The following ZSCAN25 variants were observed in gnomAD, a reference collection of about 807,000 sequenced individuals.
ZSCAN25 encodes zinc finger and SCAN domain containing 25.
Under a neutral mutation model 38.7 loss-of-function variants are expected in ZSCAN25, and 27 were observed. That is an observed-to-expected ratio of 0.70 (90% CI 0.51 to 0.96). The LOEUF is 0.96. Among genes scored for constraint, ZSCAN25 ranks in the 40% least tolerant of loss-of-function variants. The probability of loss-of-function intolerance (pLI) is 0.00; values close to 1 mark genes in which losing one functional copy is unlikely to be tolerated. For synonymous variants in ZSCAN25, 273 were observed against 277.7 expected, an observed-to-expected ratio of 0.98 and a Z score of 0.17; for missense variants, 637 against 705.9, an observed-to-expected ratio of 0.90 and a Z score of 1.11.
At chr7:99,698,380 C>T in the ZSCAN25 span, among the ~76,000 whole-genome samples, 2 of 152,162 alleles carry the variant, frequency 1.3e-5, no homozygotes, top group Admixed American at 1.3e-4. Flanking sequence ...ACTGTGGGGC[C>T]AGGACCCATG....
chr7:99,726,894 C>G, the ZSCAN25 span, among the ~76,000 whole-genome samples: 62 of 152,314 alleles, frequency 4.1e-4, 1 homozygote, highest in East Asian at 0.011. Context: ...CACATGGGGT[C>G]TCCCTGCTGA....
chr7:99,693,788 C>T, the ZSCAN25 span, among the ~76,000 whole-genome samples: 3 of 152,192 alleles, frequency 2.0e-5, no homozygotes, highest in Non-Finnish European at 1.5e-5. Context: ...CACCTATCTT[C>T]TGCCTCAATC....
intron 6 of ZSCAN25, 98 bp from the exon 7 acceptor site, chr7:99,623,959 G>C: frequency 1.3e-6 from 2 of 1,545,074 alleles, no homozygotes; most frequent in Non-Finnish European, 1.8e-6. Context: ...TCAACTGTTG[G>C]GAGGAAGCTG....
chr7:99,689,873 C>T, the ZSCAN25 span, among the ~76,000 whole-genome samples: 1 of 152,160 alleles, frequency 6.6e-6, no homozygotes, highest in East Asian at 1.9e-4. Flanking sequence ...GGCCATACTG[C>T]CCAAGGTAAT....
At chr7:99,638,104 C>A in the ZSCAN25 span, 1 of 842,732 alleles carries the variant, frequency 1.2e-6, no homozygotes, top group South Asian at 2.5e-5. Context: ...AAGCCCTCTC[C>A]CCCCAAACTG....
At chr7:99,620,359 G>A (rs1322837041) in intron 4 of ZSCAN25, 1 of 208,642 alleles carries the variant, frequency 4.8e-6, no homozygotes, top group Non-Finnish European at 9.6e-6. Context: ...TCCCACCTGG[G>A]GAATATTTTT....
At chr7:99,681,695 A>G in the ZSCAN25 span, among the ~76,000 whole-genome samples, 2 of 152,172 alleles carry the variant, frequency 1.3e-5, no homozygotes, top group Non-Finnish European at 2.9e-5. Context: ...CGCTTCATGT[A>G]TTCTGGCTAT....
At chr7:99,667,838 A>G in the ZSCAN25 span, among the ~76,000 whole-genome samples, 1 of 152,230 alleles carries the variant, frequency 6.6e-6, no homozygotes, top group Non-Finnish European at 1.5e-5. Flanking sequence ...GTTAAATCAC[A>G]TTTAATGATG....
the ZSCAN25 span, chr7:99,674,644 C>T: frequency 7.0e-7 from 1 of 1,436,606 alleles, no homozygotes; most frequent in Non-Finnish European, 9.7e-7. Flanking sequence ...AACCCTACCT[C>T]TAATTGGGGC....
At chr7:99,637,401 TTAAA>T (rs1808324241), downstream of ZSCAN25, among the ~76,000 whole-genome samples, 7 of 152,042 alleles carry the variant, frequency 4.6e-5, no homozygotes, top group South Asian at 1.2e-3. Flanking sequence ...TTTTTAAAGT[TTAAA>T]AAAGAGGAAA....
At chr7:99,702,870 A>C in the ZSCAN25 span, among the ~76,000 whole-genome samples, 1 of 152,354 alleles carries the variant, frequency 6.6e-6, no homozygotes, top group East Asian at 1.9e-4. Context: ...GATTCTTACA[A>C]TATGTAAACA....
At chr7:99,657,864 T>G in the ZSCAN25 span, among the ~76,000 whole-genome samples, 6 of 152,350 alleles carry the variant, frequency 3.9e-5, no homozygotes, top group African/African-American at 1.4e-4. Flanking sequence ...TTTTGATCTT[T>G]GTTGGTTTAA....
chr7:99,622,760 C>T, intron 6 of ZSCAN25, 120 bp downstream of exon 6: 1 of 895,536 alleles, frequency 1.1e-6, no homozygotes, highest in Non-Finnish European at 1.7e-6. Flanking sequence ...ATTCTCCCTT[C>T]CTAGTCCCGG....
the ZSCAN25 span, among the ~76,000 whole-genome samples, chr7:99,694,254 A>G: frequency 1.3e-5 from 2 of 152,174 alleles, no homozygotes; most frequent in Non-Finnish European, 2.9e-5. Context: ...CATCCTTTTC[A>G]TTTATTTCAT....
the ZSCAN25 span, among the ~76,000 whole-genome samples, chr7:99,728,872 T>C: frequency 2.6e-5 from 4 of 152,028 alleles, no homozygotes; most frequent in African/African-American, 9.7e-5. Context: ...GCATTACAGA[T>C]ACATCACAAA....
the ZSCAN25 span, among the ~76,000 whole-genome samples, chr7:99,735,555 T>A: frequency 6.6e-6 from 1 of 152,192 alleles, no homozygotes; most frequent in African/African-American, 2.4e-5. Flanking sequence ...TCTTTACCTA[T>A]GCCTGGAGTG....
the ZSCAN25 span, among the ~76,000 whole-genome samples, chr7:99,639,275 C>G: frequency 4.6e-5 from 7 of 152,224 alleles, no homozygotes; most frequent in Non-Finnish European, 1.0e-4. Context: ...GACTGGAACT[C>G]CATGGACTGG....
At chr7:99,677,332 A>G in the ZSCAN25 span, 29 of 788,442 alleles carry the variant, frequency 3.7e-5, no homozygotes, top group African/African-American at 1.3e-4. Context: ...AGAGAGGCAA[A>G]CTACAAAAAT....
chr7:99,712,838 A>G, the ZSCAN25 span, among the ~76,000 whole-genome samples: 5 of 152,222 alleles, frequency 3.3e-5, no homozygotes, highest in African/African-American at 9.6e-5. Context: ...CATAGTAACA[A>G]TGACTTCAGT....
Sources: gnomAD v4.1 joint callset for allele counts (sites outside exome capture counted in the v4.1 genomes callset) on GRCh38, gnomAD v4.1.1 for gene constraint, MANE v1.5 for transcripts, NCBI Gene and HGNC (gene_info 2026-07-23, HGNC 2026-07-21) for gene names.